USP36: variants seen among roughly 807,000 people sequenced by gnomAD.
The protein encoded by USP36 is ubiquitin carboxyl-terminal hydrolase 36.
A neutral mutation model predicts 111.5 loss-of-function variants in USP36; 59 were observed. The ratio of observed to expected loss-of-function variants is 0.53; its 90% CI spans 0.43 to 0.66. The LOEUF (loss-of-function observed/expected upper bound fraction) is 0.66, where lower values mean the gene tolerates loss of function less well. Ranked by LOEUF, USP36 falls within the 30% of genes least tolerant of loss-of-function variation. USP36 has a pLI of 0.00. For synonymous variants in USP36, 628 were observed against 581.0 expected (o/e 1.08, Z -1.16); for missense variants, 1,488 against 1,468.0 (o/e 1.01, Z -0.22).
At chr17:78,826,715 A>G (rs901738255) in intron 6 of USP36, 5 of 209,872 alleles carry the variant, frequency 2.4e-5, no homozygotes, top group Non-Finnish European at 3.9e-5. Context: ...ACCATCACAT[A>G]TAAGGGCTTA....
At chr17:78,815,281 G>T (rs544774515) in intron 10 of USP36, among the ~76,000 whole-genome samples, 6 of 152,098 alleles carry the variant, frequency 3.9e-5, no homozygotes, top group Non-Finnish European at 8.8e-5. Context: ...ACAGTGAGCC[G>T]AGATCATACC....
At chr17:78,840,939 T>G (rs907580526), upstream of USP36, 14 of 152,178 alleles carry the variant, frequency 9.2e-5, no homozygotes, top group Admixed American at 7.2e-4. Flanking sequence ...TTCCGCTAAC[T>G]CCCTGTCCCC....
At chr17:78,828,822 T>G in intron 5 of USP36, 75 bp downstream of exon 5, 1 of 1,430,656 alleles carries the variant, frequency 7.0e-7, no homozygotes, top group Non-Finnish European at 9.5e-7. Flanking sequence ...CTGGGCAACA[T>G]AGCGAGAACC....
At position 78,827,380 on chromosome 17, in the gene USP36, C is replaced by T. The variant is rs754944329; in HGVS notation, c.587-33G>A. ...AGGAAGAAACAGGGAGGGAAGAGCT[C>T]GTGTCTTCTCATCAAACGGCCTGCG... is the stretch of plus-strand genomic sequence containing the variant. On this transcript the variant is annotated intron_variant, in intron 5 of 20. Transcript: ENST00000449938. 16 of 1,581,706 alleles carry T rather than the reference C, an allele frequency of 1.0e-5. No homozygotes were observed. The African/African-American group carries it at 1.7e-4, about 17-fold the overall frequency.
intron 13 of USP36, among the ~76,000 whole-genome samples, chr17:78,808,409 C>T (rs1280865015): frequency 6.6e-6 from 1 of 152,118 alleles, no homozygotes. Context: ...GACCACCACA[C>T]CCGAATAATT....
downstream of USP36, among the ~76,000 whole-genome samples, chr17:78,793,094 C>G (rs139958921): frequency 1.4e-4 from 21 of 151,572 alleles, no homozygotes; most frequent in East Asian, 3.9e-3. Flanking sequence ...CCGTCAGTAT[C>G]GAATGCCTCT....
chr17:78,821,418 AT>A (rs1200110040), intron 7 of USP36: 5 of 50,116 alleles, frequency 1.0e-4, no homozygotes, highest in African/African-American at 5.3e-4. Flanking sequence ...ATATATATAT[AT>A]ATTTTTTTTT....
intron 13 of USP36, 75 bp from the exon 14 acceptor site, chr17:78,807,711 A>G: frequency 5.8e-6 from 8 of 1,385,294 alleles, no homozygotes; most frequent in Non-Finnish European, 7.7e-6. Flanking sequence ...TTAAGGCCAC[A>G]GTGAATCTTA....
chr17:78,807,694 C>T, intron 13 of USP36, 58 bp from the exon 14 acceptor site: 1 of 1,478,624 alleles, frequency 6.8e-7, no homozygotes, highest in Non-Finnish European at 9.0e-7. Context: ...AGCTGGGCCA[C>T]ATCTTCTTAA....
chr17:78,799,833 C>A, intron 17 of USP36, 65 bp from the exon 18 acceptor site: 1 of 1,150,302 alleles, frequency 8.7e-7, no homozygotes, highest in Non-Finnish European at 1.2e-6. Flanking sequence ...GAAGCAATCG[C>A]ACACCTTAAA....
chr17:78,804,667 T>G (rs2093849162), intron 15 of USP36, among the ~76,000 whole-genome samples: 1 of 131,944 alleles, frequency 7.6e-6, no homozygotes, highest in African/African-American at 2.8e-5. Flanking sequence ...AGCCAACACG[T>G]GATTTTAAAA....
intron 12 of USP36, 98 bp from the exon 13 acceptor site, chr17:78,813,099 G>T: frequency 6.7e-7 from 1 of 1,497,448 alleles, no homozygotes; most frequent in Non-Finnish European, 9.1e-7. Flanking sequence ...GCAGAAACAC[G>T]GCCTGGGGAA....
chr17:78,827,420 T>A, intron 5 of USP36, 73 bp from the exon 6 acceptor site: 1 of 1,418,198 alleles, frequency 7.1e-7, no homozygotes, highest in South Asian at 1.3e-5. Flanking sequence ...CTTTCCTGAA[T>A]GGCCATTCCT....
rs776672459 is a variant in USP36 at position 78,807,130 on chromosome 17, G to A, written c.1914C>T (p.Cys638=). 1.6e-5 allele frequency: 26 copies of A among 1,614,090 alleles called. No individual in the cohort carries two copies. The highest frequency in any genetic ancestry group is 8.3e-5 in the Admixed American group (5 of 60,006). The change falls in exon 14 of 21, where the codon TGC becomes TGT. Residue 638 remains cysteine, a synonymous_variant. Transcript: ENST00000449938. ...TGGAACAGTTCGTTTCCTGAGAATC[G>A]CAGAGATGGGCCGCTCCACTCCTGG... ...QTPRSGAAHL[C]DSQETNCSTA...
In USP36 at chr17:78,804,099, A is replaced by G; in HGVS notation, c.2217-121T>C. On this transcript the variant is annotated intron_variant, in intron 15 of 20. Transcript: ENST00000449938. Reference sequence around the variant, plus strand: ...AAATCTGAAAAGGCTTTTACCCTGTAGTTTTCAGATACACATTAAGTTACA... The same window carrying G: ...AAATCTGAAAAGGCTTTTACCCTGTGGTTTTCAGATACACATTAAGTTACA... 4.5e-6 allele frequency: 3 copies of G among 667,290 alleles called. No individual in the cohort carries two copies. In the South Asian group the frequency reaches 6.1e-5, roughly 14 times the overall value. 41.3% of individuals were successfully genotyped at this position (667,290 alleles called of 1,614,324 possible).
At chr17:78,810,993 A>G (rs188950446) in intron 13 of USP36, among the ~76,000 whole-genome samples, 2 of 152,178 alleles carry the variant, frequency 1.3e-5, no homozygotes, top group Admixed American at 1.3e-4. Flanking sequence ...GGGCACCTGT[A>G]ATTACAGCTA....
At chr17:78,824,062 A>G (rs2067310961) in intron 6 of USP36, among the ~76,000 whole-genome samples, 1 of 152,230 alleles carries the variant, frequency 6.6e-6, no homozygotes, top group Non-Finnish European at 1.5e-5. Context: ...TCCTCAACAC[A>G]GTGAGAGTGG....
chr17:78,802,381 G>C lies in USP36; in HGVS notation c.2965C>G (p.Pro989Ala). The C allele has an allele frequency of 6.2e-7, 1 of 1,607,756 alleles. No individual in the cohort carries two copies. The highest frequency in any genetic ancestry group is 8.5e-7 in the Non-Finnish European group (1 of 1,177,326). Residue 989 changes from proline (P) to alanine (A), a missense_variant, in exon 17 of 21, where the codon CCC becomes GCC. Around this residue, in one of 3 missense-constraint regions of USP36, gnomAD observed 1,073 missense variants for 994.1 expected, o/e 1.08. Transcript: ENST00000449938. ...GATGGTGCGCAGCTGCTGGACTCGG[G>C]GACAACAGCATCTTGGGGCTTGGCA... ...RSAKPQDAVV[P>A]ESSSCAPSAN...
rs2067646646 is a variant in USP36 at position 78,827,277 on chromosome 17, G to C, written c.657C>G (p.Ala219=). 1 of 1,613,866 alleles carries C rather than the reference G, an allele frequency of 6.2e-7. No individual in the cohort carries two copies. Among genetic ancestry groups the C allele is most frequent in the African/African-American group, 1.3e-5 (1 of 74,920 alleles). The change falls in exon 6 of 21, where the codon GCC becomes GCG. Residue 219 remains alanine, a synonymous_variant. Transcript: ENST00000449938. The part of the protein sequence containing the change: ...AHEFLRYTID[A]MQKACLNGCA... ...AGCCATTCAGGCAGGCTTTCTGCAT[G>C]GCGTCGATGGTGTACCGCAGGAACT...
Sources: allele counts gnomAD v4.1 joint callset (sites outside exome capture counted in the v4.1 genomes callset), GRCh38; gene constraint gnomAD v4.1.1; regional missense constraint gnomAD v4.1.1; transcripts MANE v1.5; gene names NCBI Gene and HGNC (gene_info 2026-07-23, HGNC 2026-07-21).